Variants in NFYC observed in about 807,000 individuals in gnomAD.
The protein encoded by NFYC is CAAT box DNA-binding protein subunit C.
A neutral mutation model predicts 53.1 loss-of-function variants in NFYC; 25 were observed. The ratio of observed to expected loss-of-function variants is 0.47; its 90% CI spans 0.34 to 0.66. The LOEUF (loss-of-function observed/expected upper bound fraction) is 0.66. Among genes scored for constraint, NFYC ranks in the 30% least tolerant of loss-of-function variants. The pLI is 0.01. For synonymous variants in NFYC, 145 were observed against 152.6 expected (o/e 0.95, Z 0.37); for missense variants, 260 against 422.7 (o/e 0.62, Z 3.38).
chr1:40,720,761 A>G (rs1349286514), intron 1 of NFYC, among the ~76,000 whole-genome samples: 1 of 152,196 alleles, frequency 6.6e-6, no homozygotes, highest in African/African-American at 2.4e-5. Flanking sequence ...CCCGCTACTC[A>G]GGAGGCTGAG....
chr1:40,709,042 T>G (rs1333975067), intron 1 of NFYC, among the ~76,000 whole-genome samples: 1 of 152,216 alleles, frequency 6.6e-6, no homozygotes, highest in Non-Finnish European at 1.5e-5. Flanking sequence ...TTAAGAACAA[T>G]TCTAAATTTT....
intron 1 of NFYC, among the ~76,000 whole-genome samples, chr1:40,719,450 A>G (rs894374990): frequency 1.9e-4 from 29 of 152,340 alleles, no homozygotes; most frequent in African/African-American, 6.7e-4. Flanking sequence ...TAGAGAAAGG[A>G]TAGAGTGACT....
chr1:40,737,278 C>T (rs1645083119), intron 1 of NFYC, among the ~76,000 whole-genome samples: 1 of 151,920 alleles, frequency 6.6e-6, no homozygotes, highest in African/African-American at 2.4e-5. Flanking sequence ...TGTCACAAAG[C>T]AGTTGACTAA....
intron 1 of NFYC, among the ~76,000 whole-genome samples, chr1:40,697,284 A>G (rs1464849696): frequency 6.6e-6 from 1 of 152,166 alleles, no homozygotes; most frequent in African/African-American, 2.4e-5. Context: ...CTTGATGAGG[A>G]GGGGTGAGGC....
chr1:40,750,188 C>G (rs1645836520), intron 4 of NFYC, among the ~76,000 whole-genome samples: 1 of 151,646 alleles, frequency 6.6e-6, no homozygotes, highest in Non-Finnish European at 1.5e-5. Context: ...CTAGCGAATT[C>G]ACATTCATAC....
At chr1:40,707,889 A>G (rs946463622) in intron 1 of NFYC, among the ~76,000 whole-genome samples, 1 of 151,464 alleles carries the variant, frequency 6.6e-6, no homozygotes, top group Non-Finnish European at 1.5e-5. Flanking sequence ...TAACGAATTT[A>G]TCCTCTGGAA....
At chr1:40,699,134 T>C (rs1322924456) in intron 1 of NFYC, among the ~76,000 whole-genome samples, 2 of 151,714 alleles carry the variant, frequency 1.3e-5, no homozygotes, top group Non-Finnish European at 2.9e-5. Context: ...TCTATTGCAC[T>C]CCAGCCTTGA....
At chr1:40,700,560 A>G (rs561461179) in intron 1 of NFYC, among the ~76,000 whole-genome samples, 2 of 151,996 alleles carry the variant, frequency 1.3e-5, no homozygotes, top group Non-Finnish European at 2.9e-5. Context: ...TGTCCAGGCT[A>G]GTCCCAAATT....
intron 7 of NFYC, chr1:40,766,178 C>T (rs1646802054): frequency 6.0e-6 from 1 of 166,452 alleles, no homozygotes; most frequent in South Asian, 1.5e-4. Flanking sequence ...CTTTGGGATC[C>T]TGGCAGATGC....
At chr1:40,700,864 C>A (rs1290219791) in intron 1 of NFYC, among the ~76,000 whole-genome samples, 1 of 152,124 alleles carries the variant, frequency 6.6e-6, no homozygotes, top group Non-Finnish European at 1.5e-5. Flanking sequence ...ATCCTGTTTT[C>A]CACGTTAGTG....
At position 40,760,336 on chromosome 1, in the gene NFYC, G is replaced by A. The variant is rs994888445; in HGVS notation, c.561+2042G>A. 4.6e-5 allele frequency among the ~76,000 whole-genome samples: 7 copies of A among 152,346 alleles called. No individual in the cohort carries two copies. The East Asian group carries it at 1.4e-3, about 29-fold the overall frequency. On this transcript the variant is annotated intron_variant, in intron 6 of 9. Coordinates refer to ENST00000447388, the MANE Select transcript of NFYC (RefSeq NM_014223.5). ...AATCCCATCACTTTGGGAGGCCAAA[G>A]CAGGAGGGTCGCATGGGCCCGGGAG...
intron 1 of NFYC, chr1:40,735,458 T>G (rs1644980160): frequency 3.4e-6 from 1 of 298,002 alleles, no homozygotes; most frequent in East Asian, 1.8e-4. Context: ...TGCCTGCACA[T>G]CTGTAGTTGG....
intron 5 of NFYC, among the ~76,000 whole-genome samples, chr1:40,755,817 G>C (rs1646184797): frequency 6.6e-6 from 1 of 152,192 alleles, no homozygotes; most frequent in African/African-American, 2.4e-5. Context: ...AAGCAGCATA[G>C]GAGGAGCTCT....
At chr1:40,745,611 T>G (rs973742488) in intron 2 of NFYC, among the ~76,000 whole-genome samples, 2 of 152,178 alleles carry the variant, frequency 1.3e-5, no homozygotes, top group African/African-American at 4.8e-5. Context: ...TCTGTCTGAA[T>G]AACATTCTCA....
rs939218879 is a variant in NFYC, at chr1:40,726,957, C to A, written c.-8-11879C>A. Among the ~76,000 whole-genome samples the A allele has an allele frequency of 3.3e-5, 5 of 152,282 alleles. No individual in the cohort carries two copies. In the East Asian group the frequency reaches 9.6e-4, roughly 29 times the overall value. On this transcript the variant is annotated intron_variant, in intron 1 of 9. Coordinates refer to ENST00000447388, the MANE Select transcript of NFYC (RefSeq NM_014223.5). ...AGGTTCCATTTCAAGGAACGACTTT[C>A]TTTGCCTTCCATAAGAAGCAACTCC...
At chr1:40,726,384 C>T (rs1021262737) in intron 1 of NFYC, among the ~76,000 whole-genome samples, 10 of 151,560 alleles carry the variant, frequency 6.6e-5, no homozygotes, top group Non-Finnish European at 1.2e-4. Flanking sequence ...TCCCAAAGTG[C>T]TGGGATTACA....
At chr1:40,701,513 A>G (rs934114673) in intron 1 of NFYC, among the ~76,000 whole-genome samples, 1 of 152,080 alleles carries the variant, frequency 6.6e-6, no homozygotes, top group Non-Finnish European at 1.5e-5. Context: ...CACTTTGTCT[A>G]TCTTGGTTTT....
chr1:40,745,061 G>C (rs1645537933), intron 2 of NFYC, among the ~76,000 whole-genome samples: 1 of 152,186 alleles, frequency 6.6e-6, no homozygotes, highest in African/African-American at 2.4e-5. Flanking sequence ...TTGGGAAGGG[G>C]ATTAAAGCAG....
At chr1:40,769,518 CT>C (rs1214241385) in intron 9 of NFYC, 103 bp downstream of exon 9, 7 of 922,888 alleles carry the variant, frequency 7.6e-6, no homozygotes, top group Admixed American at 1.8e-5. Flanking sequence ...CTGTCCTCTA[CT>C]AACAGTGAGT....
Sources: gnomAD v4.1 joint callset for allele counts (sites outside exome capture counted in the v4.1 genomes callset) on GRCh38, gnomAD v4.1.1 for gene constraint, MANE v1.5 for transcripts, NCBI Gene and HGNC (gene_info 2026-07-23, HGNC 2026-07-21) for gene names.